Variants in RGS13 observed in about 807,000 individuals in gnomAD.
The protein encoded by RGS13 is regulator of G-protein signalling 13.
Under a neutral mutation model 19.9 loss-of-function variants are expected in RGS13, and 14 were observed. The observed-to-expected ratio is 0.70, with a 90% CI of 0.46 to 1.10. RGS13 has a LOEUF of 1.10. Ranked by LOEUF, RGS13 falls within the 50% of genes least tolerant of loss-of-function variation. The pLI is 0.00. For synonymous variants in RGS13, 60 were observed against 56.8 expected (o/e 1.06, Z -0.25); for missense variants, 205 against 187.1 (o/e 1.10, Z -0.56).
intron 3 of RGS13, among the ~76,000 whole-genome samples, chr1:192,642,047 G>A (rs551565676): frequency 6.6e-6 from 1 of 152,124 alleles, no homozygotes; most frequent in South Asian, 2.1e-4. Flanking sequence ...TGGCCACACT[G>A]CCATTCATTC....
At chr1:192,641,249 GAAAGA>G (rs756848712) in intron 3 of RGS13, among the ~76,000 whole-genome samples, 3,447 of 48,616 alleles carry the variant, frequency 0.071, 75 homozygotes, top group Middle Eastern at 0.12. Context: ...AGAAAGAAAA[GAAAGA>G]AAAGAAAGAA....
Position 192,660,107 on chromosome 1 carries a change from T to G in RGS13, c.*584T>G, listed in dbSNP as rs958223068. 6 of 152,082 alleles carry G rather than the reference T, an allele frequency of 3.9e-5. No individual in the cohort carries two copies. Among genetic ancestry groups the G allele is most frequent in the African/African-American group, 1.4e-4 (6 of 41,450 alleles). The allele number at this position is 152,082 out of a possible 1,614,324, so 9.4% of individuals were successfully genotyped here. ...CTACATGTAAAACATTTCTGATGAT[T>G]TTTTAACAAAAAATATATGAATTTC... On this transcript the variant is annotated 3_prime_UTR_variant, in exon 7 of 7. Transcript: ENST00000391995.
Position 192,659,460 on chromosome 1 carries a change from A to T in RGS13, c.417A>T (p.Arg139Ser), listed in dbSNP as rs1663572068. Residue 139 changes from arginine to serine, a missense_variant, in exon 7 of 7, where the codon AGA becomes AGT. Coordinates refer to ENST00000391995, the MANE Select transcript of RGS13 (RefSeq NM_002927.5). ...YMHMERDSYP[R>S]FLKSEMYQKL... is the part of the protein sequence containing the mutation. ...ATATGGAAAGGGATTCCTACCCCAG[A>T]TTTCTAAAGTCAGAAATGTACCAAA... 2 of 1,613,006 alleles carry T rather than the reference A, an allele frequency of 1.2e-6. No homozygotes were observed. Among genetic ancestry groups the T allele is most frequent in the Non-Finnish European group, 1.7e-6 (2 of 1,179,462 alleles).
intron 5 of RGS13, among the ~76,000 whole-genome samples, chr1:192,656,502 C>T (rs996033907): frequency 6.6e-6 from 1 of 151,964 alleles, no homozygotes; most frequent in African/African-American, 2.4e-5. Context: ...AGAGTCACGT[C>T]GGTGTGAAAA....
intron 5 of RGS13, among the ~76,000 whole-genome samples, chr1:192,657,275 C>T (rs561658068): frequency 9.3e-5 from 14 of 151,240 alleles, no homozygotes; most frequent in African/African-American, 1.9e-4. Context: ...CTTGGATATG[C>T]GAAGAGAATT....
chr1:192,654,467 A>C (rs1663399918), intron 5 of RGS13, among the ~76,000 whole-genome samples: 1 of 152,076 alleles, frequency 6.6e-6, no homozygotes, highest in Non-Finnish European at 1.5e-5. Flanking sequence ...GAAATTATTA[A>C]CAGCATAGAA....
intron 6 of RGS13, 52 bp from the exon 7 acceptor site, chr1:192,659,286 C>A: frequency 7.0e-7 from 1 of 1,418,892 alleles, no homozygotes; most frequent in Non-Finnish European, 9.7e-7. Context: ...CTATATGTGC[C>A]TTTTTTTCAA....
intron 2 of RGS13, 141 bp downstream of exon 2, chr1:192,637,801 T>G (rs964986571): frequency 8.5e-5 from 13 of 152,096 alleles, no homozygotes; most frequent in Admixed American, 3.9e-4. Flanking sequence ...CCATATTGAC[T>G]ACTTGAACTC....
intron 4 of RGS13, chr1:192,645,631 G>T (rs1391324525): frequency 6.6e-6 from 1 of 152,076 alleles, no homozygotes; most frequent in Non-Finnish European, 1.5e-5. Flanking sequence ...CATCCGCCCA[G>T]AAGAATGGAG....
At chr1:192,648,211 C>A (rs920784072) in intron 5 of RGS13, among the ~76,000 whole-genome samples, 1 of 152,156 alleles carries the variant, frequency 6.6e-6, no homozygotes, top group Non-Finnish European at 1.5e-5. Flanking sequence ...ATATTCTTCA[C>A]AAGTATATGC....
Position 192,659,576 on chromosome 1 carries a change from A to G in RGS13, c.*53A>G, listed in dbSNP as rs1401828203. The G allele has an allele frequency of 1.5e-6, 2 of 1,300,836 alleles. No homozygotes were observed. The highest frequency in any genetic ancestry group is 1.1e-6 in the Non-Finnish European group (1 of 939,942). The allele number at this position is 1,300,836 out of a possible 1,614,324, so 80.6% of individuals were successfully genotyped here. On this transcript the variant is annotated 3_prime_UTR_variant, in exon 7 of 7. Coordinates refer to ENST00000391995, the MANE Select transcript of RGS13 (RefSeq NM_002927.5). Reference sequence around the variant, plus strand: ...CAGTATATTGAAAGTGGTGGGTTTGATCTTTTTATTTAGAAACCCACAAAA... The same window carrying G: ...CAGTATATTGAAAGTGGTGGGTTTGGTCTTTTTATTTAGAAACCCACAAAA...
intron 3 of RGS13, among the ~76,000 whole-genome samples, chr1:192,641,748 A>G (rs1416693213): frequency 6.6e-6 from 1 of 152,102 alleles, no homozygotes; most frequent in East Asian, 1.9e-4. Context: ...TCTGCTTTTT[A>G]CAGTTCACAC....
Position 192,659,320 on chromosome 1 carries a change from T to G in RGS13, c.295-18T>G. 1 of 1,598,342 alleles carries G rather than the reference T, an allele frequency of 6.3e-7. No individual in the cohort carries two copies. The highest frequency in any genetic ancestry group is 1.3e-5 in the African/African-American group (1 of 74,236). ...AACTATGCTAACTTAATGCTGTACATGTAATTTCACTTTTCAGATTAACAT... is the reference window on the plus strand; with the variant it reads ...AACTATGCTAACTTAATGCTGTACAGGTAATTTCACTTTTCAGATTAACAT... On this transcript the variant is annotated intron_variant, in intron 6 of 6. Coordinates refer to ENST00000391995, the MANE Select transcript of RGS13 (RefSeq NM_002927.5).
intron 6 of RGS13, 69 bp downstream of exon 6, chr1:192,658,436 A>T (rs1663488062): frequency 3.5e-6 from 5 of 1,445,142 alleles, no homozygotes; most frequent in Non-Finnish European, 4.7e-6. Flanking sequence ...TCTGTCAAGC[A>T]TCCATAAGTG....
At chr1:192,645,732 T>A (rs1298917985) in intron 4 of RGS13, 1 of 135,568 alleles carries the variant, frequency 7.4e-6, no homozygotes, top group Non-Finnish European at 1.5e-5. Flanking sequence ...GCATTAAACT[T>A]GTGAGAACCT....
intron 4 of RGS13, chr1:192,646,118 G>T (rs960235071): frequency 1.3e-5 from 2 of 152,064 alleles, no homozygotes; most frequent in Non-Finnish European, 2.9e-5. Context: ...AATGTTTTTT[G>T]AAAGCAATCT....
intron 3 of RGS13, among the ~76,000 whole-genome samples, chr1:192,643,625 C>CT (rs1558049972): frequency 1.3e-5 from 2 of 152,108 alleles, no homozygotes; most frequent in Non-Finnish European, 2.9e-5. Flanking sequence ...AAATAAGGCT[C>CT]TTTTTTAATA....
At chr1:192,656,246 T>G (rs1018755850) in intron 5 of RGS13, among the ~76,000 whole-genome samples, 1 of 152,158 alleles carries the variant, frequency 6.6e-6, no homozygotes, top group East Asian at 1.9e-4. Context: ...TAGATTTTTA[T>G]CTGCTATCTC....
intron 4 of RGS13, chr1:192,646,311 G>A (rs888240152): frequency 6.6e-6 from 1 of 152,072 alleles, no homozygotes; most frequent in Admixed American, 6.6e-5. Flanking sequence ...TTAAGAACCT[G>A]CTAATGCTGA....
Sources: allele counts gnomAD v4.1 joint callset (sites outside exome capture counted in the v4.1 genomes callset), GRCh38; gene constraint gnomAD v4.1.1; transcripts MANE v1.5; gene names NCBI Gene and HGNC (gene_info 2026-07-23, HGNC 2026-07-21).